The following HPSE2 variants were observed in gnomAD, a reference collection of about 807,000 sequenced individuals.
The protein encoded by HPSE2 is inactive heparanase-2.
HPSE2 carries 38 observed loss-of-function variants against 60.5 expected under a neutral mutation model. That is an observed-to-expected ratio of 0.63 (90% CI 0.48 to 0.82). The LOEUF (loss-of-function observed/expected upper bound fraction) is 0.82, where lower values mean the gene tolerates loss of function less well. Ranked by LOEUF, HPSE2 falls within the 40% of genes least tolerant of loss-of-function variation. The pLI is 0.00. For missense variants in HPSE2, 713 were observed against 740.4 expected, an observed-to-expected ratio of 0.96 and a Z score of 0.43; for synonymous variants, 295 against 293.2, an observed-to-expected ratio of 1.01 and a Z score of -0.06.
intron 3 of HPSE2, among the ~76,000 whole-genome samples, chr10:99,032,199 A>C (rs922539943): frequency 1.3e-5 from 2 of 152,234 alleles, no homozygotes; most frequent in Non-Finnish European, 2.9e-5. Context: ...ATCTAGATTC[A>C]GCAGACACAC....
At chr10:98,525,152 A>C (rs1942924207) in intron 9 of HPSE2, among the ~76,000 whole-genome samples, 1 of 152,196 alleles carries the variant, frequency 6.6e-6, no homozygotes, top group Non-Finnish European at 1.5e-5. Flanking sequence ...CTGGGATTAC[A>C]GGTGCCCACC....
At chr10:98,755,473 T>G (rs1399994269) in intron 3 of HPSE2, among the ~76,000 whole-genome samples, 1 of 152,026 alleles carries the variant, frequency 6.6e-6, no homozygotes, top group African/African-American at 2.4e-5. Flanking sequence ...GGCAGAAAAC[T>G]CCAAAGATAT....
chr10:98,782,900 C>T lies in HPSE2; in HGVS notation c.611-38844G>A, dbSNP rs1161322260. Among the ~76,000 whole-genome samples, 73 of 56,960 alleles carry T rather than the reference C, an allele frequency of 1.3e-3. 3 individuals are homozygous for T. In the Middle Eastern group the frequency reaches 0.058, roughly 45 times the overall value. The allele number at this position is 56,960 out of a possible 152,430, so 37.4% of individuals were successfully genotyped here. A position where few individuals can be genotyped will look rare whatever the true frequency, so the allele number is the denominator to read the frequency against. On this transcript the variant is annotated intron_variant, in intron 3 of 11. Coordinates refer to ENST00000370552, the MANE Select transcript of HPSE2 (RefSeq NM_021828.5). ...AATAATGGGTTGAGTGGGTCTACTT[C>T]CCTGTTTGTTTATTTTTTTTTTTTT...
intron 3 of HPSE2, among the ~76,000 whole-genome samples, chr10:99,004,717 G>T (rs1320346314): frequency 6.6e-6 from 1 of 152,108 alleles, no homozygotes; most frequent in Non-Finnish European, 1.5e-5. Context: ...ATTTGACTGT[G>T]TACTTACTTT....
chr10:99,064,781 G>A (rs1373053158), intron 3 of HPSE2, among the ~76,000 whole-genome samples: 1 of 150,932 alleles, frequency 6.6e-6, no homozygotes, highest in East Asian at 1.9e-4. Context: ...ACTATTTCTT[G>A]TCAGAATTTC....
intron 2 of HPSE2, among the ~76,000 whole-genome samples, chr10:99,194,894 G>C (rs1358052479): frequency 6.6e-6 from 1 of 151,930 alleles, no homozygotes; most frequent in Non-Finnish European, 1.5e-5. Context: ...CATTCTACAA[G>C]GCCAGGATTA....
At chr10:98,516,473 A>G (rs1053443868) in intron 9 of HPSE2, among the ~76,000 whole-genome samples, 2 of 152,220 alleles carry the variant, frequency 1.3e-5, no homozygotes, top group Non-Finnish European at 2.9e-5. Flanking sequence ...GAAATGGGTA[A>G]AATGTCAGTA....
intron 3 of HPSE2, among the ~76,000 whole-genome samples, chr10:99,081,589 A>ATGG (rs1446813851): frequency 6.8e-6 from 1 of 146,510 alleles, no homozygotes; most frequent in Non-Finnish European, 1.5e-5. Context: ...AAAGATGATG[A>ATGG]TGATGATGAT....
At chr10:99,022,182 C>T (rs1017484812) in intron 3 of HPSE2, among the ~76,000 whole-genome samples, 3 of 151,820 alleles carry the variant, frequency 2.0e-5, no homozygotes, top group African/African-American at 4.8e-5. Context: ...TTTCTCTGGG[C>T]ACTAGGGGAG....
intron 3 of HPSE2, among the ~76,000 whole-genome samples, chr10:98,840,754 T>A (rs540956504): frequency 4.6e-5 from 7 of 152,112 alleles, no homozygotes; most frequent in African/African-American, 1.7e-4. Context: ...CCAAGATACA[T>A]GAAAATGATA....
intron 3 of HPSE2, among the ~76,000 whole-genome samples, chr10:98,930,124 T>A (rs1236906108): frequency 1.4e-5 from 2 of 140,984 alleles, no homozygotes; most frequent in Non-Finnish European, 3.0e-5. Context: ...CTCTTTTCTC[T>A]AATGCTTCCC....
At chr10:99,030,241 A>G (rs974191314) in intron 3 of HPSE2, among the ~76,000 whole-genome samples, 1 of 152,178 alleles carries the variant, frequency 6.6e-6, no homozygotes, top group Admixed American at 6.5e-5. Context: ...CTTGTTTTAT[A>G]TTTTATTATA....
chr10:99,096,759 C>A (rs1031133101), intron 3 of HPSE2, among the ~76,000 whole-genome samples: 3 of 151,998 alleles, frequency 2.0e-5, no homozygotes, highest in African/African-American at 7.3e-5. Flanking sequence ...CCAAAGGTTT[C>A]CGCATACCCC....
At chr10:98,613,870 A>C (rs983201038) in intron 9 of HPSE2, among the ~76,000 whole-genome samples, 2 of 152,086 alleles carry the variant, frequency 1.3e-5, no homozygotes, top group Admixed American at 1.3e-4. Flanking sequence ...CATGACCATG[A>C]CTTCTGTGAT....
intron 3 of HPSE2, among the ~76,000 whole-genome samples, chr10:98,788,718 C>T (rs1950587980): frequency 6.6e-6 from 1 of 151,998 alleles, no homozygotes; most frequent in East Asian, 2.0e-4. Flanking sequence ...CCAGGTGCGT[C>T]CGTCACCCCT....
rs147792147 is a variant in HPSE2 at position 98,816,806 on chromosome 10, C to T, written c.611-72750G>A. Among the ~76,000 whole-genome samples, 3 of 152,304 alleles carry T rather than the reference C, an allele frequency of 2.0e-5. No individual in the cohort carries two copies. In the East Asian group the frequency reaches 5.8e-4, roughly 29 times the overall value. ...TTCAGGGCTGTCCTGAGGTAGTGTACCTGAACTGCAATTCTCTGTTTACCA... is the reference window on the plus strand; with the variant it reads ...TTCAGGGCTGTCCTGAGGTAGTGTATCTGAACTGCAATTCTCTGTTTACCA... On this transcript the variant is annotated intron_variant, in intron 3 of 11. Transcript: ENST00000370552.
chr10:98,906,236 T>TC (rs954980122), intron 3 of HPSE2, among the ~76,000 whole-genome samples: 12 of 152,066 alleles, frequency 7.9e-5, no homozygotes, highest in African/African-American at 7.2e-5. Flanking sequence ...AAGAACAATT[T>TC]CCCCCCAAAA....
At chr10:98,668,669 T>C (rs1947430557) in intron 6 of HPSE2, among the ~76,000 whole-genome samples, 1 of 152,206 alleles carries the variant, frequency 6.6e-6, no homozygotes, top group Admixed American at 6.5e-5. Flanking sequence ...CGACTTCCTA[T>C]TCAATCAACG....
intron 3 of HPSE2, among the ~76,000 whole-genome samples, chr10:99,116,399 T>A (rs1844693015): frequency 1.3e-5 from 2 of 152,110 alleles, no homozygotes; most frequent in Admixed American, 1.3e-4. Flanking sequence ...ATTATTCAAA[T>A]ACAAAAAAAC....
Sources: gnomAD v4.1 joint callset for allele counts (sites outside exome capture counted in the v4.1 genomes callset) on GRCh38, gnomAD v4.1.1 for gene constraint, MANE v1.5 for transcripts, NCBI Gene and HGNC (gene_info 2026-07-23, HGNC 2026-07-21) for gene names.